CHST8: variants seen among roughly 807,000 people sequenced by gnomAD.
CHST8 encodes GALNAC-4-ST1.
In CHST8, 10 loss-of-function variants were observed where a neutral mutation model predicts 15.0. That is an observed-to-expected ratio of 0.67 (90% CI 0.41 to 1.13). The LOEUF (loss-of-function observed/expected upper bound fraction) is 1.13. Among genes scored for constraint, CHST8 ranks in the 50% most tolerant of loss-of-function variants. The pLI, the probability that CHST8 is intolerant of heterozygous loss-of-function variation, is 0.00. For synonymous variants in CHST8, 259 were observed against 256.6 expected (o/e 1.01, Z -0.09); for missense variants, 634 against 608.2 (o/e 1.04, Z -0.45).
chr19:33,738,173 C>T (rs946201532), intron 3 of CHST8, among the ~76,000 whole-genome samples: 2 of 152,180 alleles, frequency 1.3e-5, no homozygotes. Context: ...CTGTGACCCC[C>T]GTTCACTATC....
chr19:33,723,974 T>A (rs1322521332), intron 3 of CHST8, among the ~76,000 whole-genome samples: 1 of 151,628 alleles, frequency 6.6e-6, no homozygotes, highest in Non-Finnish European at 1.5e-5. Context: ...GGCGAAGGGG[T>A]GCTGGTGTGG....
At chr19:33,744,804 A>G (rs1306215814) in intron 3 of CHST8, among the ~76,000 whole-genome samples, 1 of 152,164 alleles carries the variant, frequency 6.6e-6, no homozygotes, top group Non-Finnish European at 1.5e-5. Context: ...GCTAGAGTAC[A>G]GTGGCATGAT....
intron 2 of CHST8, among the ~76,000 whole-genome samples, chr19:33,688,793 G>A (rs562968172): frequency 1.2e-4 from 19 of 152,234 alleles, no homozygotes; most frequent in East Asian, 3.9e-4. Context: ...CCAGGTTCCC[G>A]CCAGTACCTA....
At chr19:33,646,776 TG>T (rs1972360942) in intron 1 of CHST8, among the ~76,000 whole-genome samples, 2 of 152,246 alleles carry the variant, frequency 1.3e-5, no homozygotes, top group East Asian at 3.9e-4. Context: ...TAGCCAGACA[TG>T]GTGGCGTACA....
chr19:33,751,119 T>C (rs567195308), intron 3 of CHST8, among the ~76,000 whole-genome samples: 7 of 152,234 alleles, frequency 4.6e-5, no homozygotes, highest in Admixed American at 3.9e-4. Context: ...GGCAAGTCAT[T>C]AACGTGGCCA....
intron 3 of CHST8, among the ~76,000 whole-genome samples, chr19:33,703,928 T>C (rs956897887): frequency 2.0e-5 from 3 of 152,192 alleles, no homozygotes. Context: ...CAGCTGCCAC[T>C]GGGGAGTCCC....
At chr19:33,666,949 G>C (rs1972670912) in intron 1 of CHST8, among the ~76,000 whole-genome samples, 1 of 152,154 alleles carries the variant, frequency 6.6e-6, no homozygotes, top group East Asian at 1.9e-4. Flanking sequence ...TGATCTGCCT[G>C]CCTCGGCCTC....
chr19:33,664,122 G>A (rs1972620992), intron 1 of CHST8, among the ~76,000 whole-genome samples: 1 of 152,086 alleles, frequency 6.6e-6, no homozygotes, highest in Admixed American at 6.5e-5. Context: ...CTGGATTGGG[G>A]CGACTTTCAA....
chr19:33,761,436 G>T (rs1228190535), intron 3 of CHST8, among the ~76,000 whole-genome samples: 1 of 151,896 alleles, frequency 6.6e-6, no homozygotes, highest in Non-Finnish European at 1.5e-5. Flanking sequence ...TTCAAGTAAG[G>T]CTCATGCCCC....
At chr19:33,690,895 G>A (rs1006202778) in intron 3 of CHST8, among the ~76,000 whole-genome samples, 1 of 152,232 alleles carries the variant, frequency 6.6e-6, no homozygotes, top group Non-Finnish European at 1.5e-5. Context: ...GAAGAAGGGC[G>A]AGCAAACGCT....
chr19:33,772,781 C>T lies in CHST8; in HGVS notation c.993C>T (p.Val331=). ...PVGMDIHWDH[V]SRLCSPCLID... ...GGATGGACATTCACTGGGACCATGT[C>T]AGCCGGCTCTGCAGCCCCTGCCTCA... The change falls in exon 5 of 5, where the codon GTC becomes GTT. Residue 331 remains valine, a synonymous_variant. Coordinates refer to ENST00000650847, the MANE Select transcript of CHST8 (RefSeq NM_001127895.2). 6.2e-7 allele frequency: 1 copy of T among 1,613,464 alleles called. No individual in the cohort carries two copies. The highest frequency in any genetic ancestry group is 1.1e-5 in the South Asian group (1 of 91,088).
chr19:33,773,301 C>T lies in CHST8; in HGVS notation c.*238C>T. On this transcript the variant is annotated 3_prime_UTR_variant, in exon 5 of 5. Transcript: ENST00000650847. ...CCTTGGCTGAGGGAGAGGCTGAGAA[C>T]TGGGCAGACACCCCTGGAGCTCAGC... is the stretch of plus-strand genomic sequence containing the variant. 1 of 564,194 alleles carries T rather than the reference C, an allele frequency of 1.8e-6. No homozygotes were observed. Among genetic ancestry groups the T allele is most frequent in the East Asian group, 3.0e-5 (1 of 33,854 alleles). 34.9% of individuals were successfully genotyped at this position (564,194 alleles called of 1,614,324 possible). A position where few individuals can be genotyped will look rare whatever the true frequency, so the allele number is the denominator to read the frequency against.
chr19:33,749,388 CCATCCCCCCTCCATCCTCCTAT>C (rs1250896858), intron 3 of CHST8, among the ~76,000 whole-genome samples: 9 of 146,162 alleles, frequency 6.2e-5, no homozygotes, highest in African/African-American at 1.6e-4. Context: ...CATCCTCCTA[CCATCCCCCCTCCATCCTCCTAT>C]CATCCCCCCT....
intron 3 of CHST8, among the ~76,000 whole-genome samples, chr19:33,742,115 G>C (rs1272368060): frequency 2.6e-5 from 4 of 152,168 alleles, no homozygotes; most frequent in African/African-American, 7.2e-5. Context: ...GTGTACACCT[G>C]TTTAACCAAA....
At chr19:33,681,315 C>T (rs1972885254) in intron 2 of CHST8, among the ~76,000 whole-genome samples, 1 of 152,336 alleles carries the variant, frequency 6.6e-6, no homozygotes, top group South Asian at 2.1e-4. Context: ...AACCTGAGAA[C>T]AGTTTTCAGT....
chr19:33,713,266 A>G (rs1054715323), intron 3 of CHST8, among the ~76,000 whole-genome samples: 21 of 152,308 alleles, frequency 1.4e-4, no homozygotes, highest in African/African-American at 5.1e-4. Context: ...GAGATGCCAC[A>G]TCTTCCTTTC....
chr19:33,695,909 T>G (rs998048272), intron 3 of CHST8, among the ~76,000 whole-genome samples: 10 of 138,818 alleles, frequency 7.2e-5, no homozygotes, highest in Non-Finnish European at 1.4e-4. Flanking sequence ...CACTGCAACC[T>G]CCACCTCCTG....
At chr19:33,726,036 G>C (rs1358461389) in intron 3 of CHST8, among the ~76,000 whole-genome samples, 1 of 152,222 alleles carries the variant, frequency 6.6e-6, no homozygotes, top group Non-Finnish European at 1.5e-5. Context: ...GGGGCTTCTT[G>C]CATTCTCCCT....
intron 1 of CHST8, among the ~76,000 whole-genome samples, chr19:33,637,942 C>T (rs1195818889): frequency 6.6e-6 from 1 of 151,596 alleles, no homozygotes; most frequent in African/African-American, 2.4e-5. Flanking sequence ...CAAACATCCC[C>T]TTCCTAACAG....
Sources: gnomAD v4.1 joint callset for allele counts (sites outside exome capture counted in the v4.1 genomes callset) on GRCh38, gnomAD v4.1.1 for gene constraint, MANE v1.5 for transcripts, NCBI Gene and HGNC (gene_info 2026-07-23, HGNC 2026-07-21) for gene names.